Variants in MAF observed in about 807,000 individuals in gnomAD.
The protein encoded by MAF is transcription factor Maf.
In MAF, 10 loss-of-function variants were observed where a neutral mutation model predicts 22.0. That is an observed-to-expected ratio of 0.45 (90% CI 0.28 to 0.77). The LOEUF (loss-of-function observed/expected upper bound fraction) is 0.77, where lower values mean the gene tolerates loss of function less well. Ranked by LOEUF, MAF falls within the 30% of genes least tolerant of loss-of-function variation. The probability of loss-of-function intolerance (pLI) is 0.12; values close to 1 mark genes in which losing one functional copy is unlikely to be tolerated. For missense variants in MAF, 544 were observed against 548.4 expected (o/e 0.99, Z 0.08); for synonymous variants, 337 against 255.8 (o/e 1.32, Z -3.03).
At chr16:79,293,544 T>C in the MAF span, among the ~76,000 whole-genome samples, 1 of 152,204 alleles carries the variant, frequency 6.6e-6, no homozygotes, top group Non-Finnish European at 1.5e-5. Context: ...GTTTGTCAAA[T>C]GAGTGATGCT....
the MAF span, among the ~76,000 whole-genome samples, chr16:79,363,954 C>A: frequency 6.6e-6 from 1 of 152,184 alleles, no homozygotes; most frequent in Non-Finnish European, 1.5e-5. Context: ...TCCAGCCTGA[C>A]TGGGACCTCT....
the MAF span, among the ~76,000 whole-genome samples, chr16:79,439,664 G>C: frequency 6.6e-6 from 1 of 152,188 alleles, no homozygotes; most frequent in Non-Finnish European, 1.5e-5. Flanking sequence ...CCATTGGATG[G>C]AAAGATGCAA....
At chr16:79,209,410 TCC>T in the MAF span, among the ~76,000 whole-genome samples, 1 of 152,204 alleles carries the variant, frequency 6.6e-6, no homozygotes, top group Admixed American at 6.5e-5. Flanking sequence ...CTTTTTGCTT[TCC>T]CAAACGGACT....
chr16:79,570,137 T>C, the MAF span, among the ~76,000 whole-genome samples: 10 of 152,084 alleles, frequency 6.6e-5, no homozygotes, highest in African/African-American at 2.4e-4. Flanking sequence ...AATTGACAGG[T>C]TGATGCTTTT....
chr16:79,439,783 A>G, the MAF span, among the ~76,000 whole-genome samples: 6 of 152,244 alleles, frequency 3.9e-5, no homozygotes, highest in Non-Finnish European at 8.8e-5. Context: ...ACCAGCATGG[A>G]TTCTGCATAG....
At chr16:79,398,026 G>A in the MAF span, among the ~76,000 whole-genome samples, 7 of 152,274 alleles carry the variant, frequency 4.6e-5, no homozygotes, top group Admixed American at 3.9e-4. Flanking sequence ...CCTGGGTCTC[G>A]CTAGGCTAAT....
At chr16:79,358,220 A>G in the MAF span, among the ~76,000 whole-genome samples, 1 of 152,126 alleles carries the variant, frequency 6.6e-6, no homozygotes, top group Non-Finnish European at 1.5e-5. Flanking sequence ...CTTCTGGAGG[A>G]GGCAAATCCT....
At chr16:79,435,273 C>T in the MAF span, among the ~76,000 whole-genome samples, 1 of 152,050 alleles carries the variant, frequency 6.6e-6, no homozygotes, top group Non-Finnish European at 1.5e-5. Flanking sequence ...CACATATTCA[C>T]AACCAGGTGT....
the MAF span, among the ~76,000 whole-genome samples, chr16:79,577,357 T>A: frequency 5.9e-5 from 9 of 152,172 alleles, no homozygotes; most frequent in African/African-American, 1.7e-4. Context: ...AATCAACTGG[T>A]CGAGATAGTG....
chr16:79,341,018 G>C, the MAF span, among the ~76,000 whole-genome samples: 2 of 152,190 alleles, frequency 1.3e-5, no homozygotes, highest in Non-Finnish European at 2.9e-5. Flanking sequence ...AGCTGGAGAA[G>C]AGCCTTCCAG....
At chr16:79,455,594 C>T in the MAF span, among the ~76,000 whole-genome samples, 1 of 152,124 alleles carries the variant, frequency 6.6e-6, no homozygotes, top group Non-Finnish European at 1.5e-5. Context: ...GTTTTTTCTC[C>T]CATCTTAATG....
the MAF span, among the ~76,000 whole-genome samples, chr16:79,309,986 G>A: frequency 6.6e-6 from 1 of 152,158 alleles, no homozygotes; most frequent in Non-Finnish European, 1.5e-5. Flanking sequence ...TTACACCGTG[G>A]CTTAAAGGGC....
chr16:79,280,889 A>C, the MAF span, among the ~76,000 whole-genome samples: 1 of 152,194 alleles, frequency 6.6e-6, no homozygotes, highest in South Asian at 2.1e-4. Context: ...GTATGAATTG[A>C]CTCTGAAGAT....
At position 79,598,385 on chromosome 16, in the gene MAF, A is replaced by G. The variant is rs574329600; in HGVS notation, c.1118+400T>C. ...ATGATGCAGGCTTCAAAGGTGATCA[A>G]CGTTTCACATGAAGAACTCTGCTGA... On this transcript the variant is annotated intron_variant, in intron 1 of 1. Coordinates refer to ENST00000326043, the MANE Select transcript of MAF (RefSeq NM_005360.5). 17 of 1,178,688 alleles carry G rather than the reference A, an allele frequency of 1.4e-5. No homozygotes were observed. In the Admixed American group the frequency reaches 4.9e-4, roughly 34 times the overall value. The allele number at this position is 1,178,688 out of a possible 1,614,324, so 73.0% of individuals were successfully genotyped here.
the MAF span, among the ~76,000 whole-genome samples, chr16:79,251,893 G>A: frequency 2.6e-5 from 4 of 152,176 alleles, no homozygotes; most frequent in African/African-American, 7.2e-5. Context: ...TTAAACTTCT[G>A]TGTATGTGTG....
At chr16:79,208,632 T>TC in the MAF span, among the ~76,000 whole-genome samples, 2 of 23,720 alleles carry the variant, frequency 8.4e-5, no homozygotes, top group African/African-American at 6.1e-4. Context: ...GCTCTTTAAA[T>TC]TTTTTTTTTA....
the MAF span, among the ~76,000 whole-genome samples, chr16:79,209,808 C>T: frequency 2.1e-3 from 315 of 152,276 alleles, no homozygotes; most frequent in African/African-American, 7.4e-3. Context: ...AGATAAACCC[C>T]TTGAAGTTGT....
the MAF span, among the ~76,000 whole-genome samples, chr16:79,355,460 G>A: frequency 2.6e-5 from 4 of 152,138 alleles, no homozygotes; most frequent in East Asian, 7.7e-4. Flanking sequence ...ATGGCCATTG[G>A]CCAAACAGTT....
the MAF span, among the ~76,000 whole-genome samples, chr16:79,487,892 T>A: frequency 3.9e-5 from 6 of 152,218 alleles, no homozygotes; most frequent in Non-Finnish European, 7.3e-5. Flanking sequence ...ATTTCCAGCC[T>A]GCATTTTAAA....
Sources: gnomAD v4.1 joint callset for allele counts (sites outside exome capture counted in the v4.1 genomes callset) on GRCh38, gnomAD v4.1.1 for gene constraint, MANE v1.5 for transcripts, NCBI Gene and HGNC (gene_info 2026-07-23, HGNC 2026-07-21) for gene names.